Variants in SLCO1A2 observed in about 807,000 individuals in gnomAD.
SLCO1A2 encodes the protein solute carrier organic anion transporter family member 1A2, also known as OATP-1.
A neutral mutation model predicts 69.0 loss-of-function variants in SLCO1A2; 67 were observed. That is an observed-to-expected ratio of 0.97 (90% CI 0.80 to 1.19). The LOEUF is 1.19. SLCO1A2 is among the 50% of genes most tolerant of loss of function. SLCO1A2 has a pLI of 0.00. For missense variants in SLCO1A2, 787 were observed against 793.7 expected, an observed-to-expected ratio of 0.99 and a Z score of 0.10; for synonymous variants, 260 against 265.9, an observed-to-expected ratio of 0.98 and a Z score of 0.22.
intron 2 of SLCO1A2, among the ~76,000 whole-genome samples, chr12:21,370,496 C>T (rs1232920618): frequency 1.7e-5 from 2 of 116,692 alleles, no homozygotes; most frequent in Non-Finnish European, 3.3e-5. Context: ...GACCCCACAA[C>T]AGGCCCTGGT....
chr12:21,371,169 G>A (rs1215130747), intron 2 of SLCO1A2, among the ~76,000 whole-genome samples: 1 of 152,284 alleles, frequency 6.6e-6, no homozygotes, highest in East Asian at 1.9e-4. Flanking sequence ...TCATTGCCCT[G>A]GAAAGAGGCA....
intron 4 of SLCO1A2, among the ~76,000 whole-genome samples, chr12:21,307,321 T>C (rs924130209): frequency 6.6e-6 from 1 of 152,166 alleles, no homozygotes; most frequent in Non-Finnish European, 1.5e-5. Flanking sequence ...CTTTAAAAAA[T>C]GTGACATTCA....
intron 1 of SLCO1A2, among the ~76,000 whole-genome samples, chr12:21,386,477 C>A (rs1030379971): frequency 6.6e-6 from 1 of 151,964 alleles, no homozygotes; most frequent in Admixed American, 6.6e-5. Flanking sequence ...GTTATTCCCA[C>A]ACTGTTCTCA....
intron 3 of SLCO1A2, among the ~76,000 whole-genome samples, chr12:21,316,774 G>T (rs1016030585): frequency 6.6e-6 from 1 of 151,914 alleles, no homozygotes; most frequent in Non-Finnish European, 1.5e-5. Context: ...TCTAGTTTTA[G>T]CAAACGCCTA....
intron 7 of SLCO1A2, 36 bp downstream of exon 7, chr12:21,301,135 G>A (rs1948658459): frequency 1.4e-6 from 2 of 1,396,234 alleles, no homozygotes; most frequent in Non-Finnish European, 2.0e-6. Context: ...GCTTTGTATA[G>A]TCTAGACACT....
chr12:21,414,521 G>A (rs2137210210), intron 1 of SLCO1A2, among the ~76,000 whole-genome samples: 1 of 152,028 alleles, frequency 6.6e-6, no homozygotes, highest in Admixed American at 6.5e-5. Context: ...CAAAGACTGG[G>A]ATCTGAATGA....
chr12:21,356,745 T>C (rs957534141), intron 2 of SLCO1A2, among the ~76,000 whole-genome samples: 1 of 152,060 alleles, frequency 6.6e-6, no homozygotes, highest in African/African-American at 2.4e-5. Flanking sequence ...ATTTAAATAA[T>C]AGTAGCTTAA....
At chr12:21,363,972 A>G (rs1463716756) in intron 2 of SLCO1A2, among the ~76,000 whole-genome samples, 1 of 152,194 alleles carries the variant, frequency 6.6e-6, no homozygotes, top group Non-Finnish European at 1.5e-5. Flanking sequence ...AGAGGTAAAA[A>G]GAGGAGCTGG....
chr12:21,322,469 C>T lies in SLCO1A2; in HGVS notation c.61-3546G>A, dbSNP rs78045459. Among the ~76,000 whole-genome samples, 372 of 152,270 alleles carry T rather than the reference C, an allele frequency of 2.4e-3. 1 individual carries two copies. Among genetic ancestry groups the T allele is most frequent in the African/African-American group, 8.2e-3 (340 of 41,554 alleles). ...GGTTTAATCTGGAAGGGCAGGACAA[C>T]CCGAAGCAGGGGGTTCCCAGTCATA... On this transcript the variant is annotated intron_variant, in intron 2 of 14. Transcript: ENST00000683939.
chr12:21,289,525 G>T (rs948856242), intron 12 of SLCO1A2, among the ~76,000 whole-genome samples: 1 of 152,078 alleles, frequency 6.6e-6, no homozygotes, highest in Non-Finnish European at 1.5e-5. Context: ...CTCCCTAAAA[G>T]CTCTTGAACT....
In SLCO1A2 at chr12:21,383,853, C is replaced by T. The variant is rs528554032; in HGVS notation, c.-189-9328G>A. 9.2e-5 allele frequency among the ~76,000 whole-genome samples: 14 copies of T among 152,044 alleles called. 1 individual carries two copies. In the South Asian group the frequency reaches 2.5e-3, roughly 27 times the overall value. ...GGATGTATGAGTCATCTCTGTAATCCCCACAACATTTAAGCCCATTATGTG... is the reference window on the plus strand; with the variant it reads ...GGATGTATGAGTCATCTCTGTAATCTCCACAACATTTAAGCCCATTATGTG... On this transcript the variant is annotated intron_variant, in intron 1 of 15. Coordinates refer to the SLCO1A2 transcript ENST00000307378.
At chr12:21,362,143 G>A (rs911314315) in intron 2 of SLCO1A2, among the ~76,000 whole-genome samples, 1 of 152,176 alleles carries the variant, frequency 6.6e-6, no homozygotes, top group Non-Finnish European at 1.5e-5. Context: ...GGCAGCCAGA[G>A]AGAAAGGTCA....
At position 21,305,249 on chromosome 12, in the gene SLCO1A2, G is replaced by A. The variant is rs559465570; in HGVS notation, c.443-676C>T. 5.3e-5 allele frequency among the ~76,000 whole-genome samples: 8 copies of A among 152,328 alleles called. No homozygotes were observed. The South Asian group carries it at 1.2e-3, about 24-fold the overall frequency. On this transcript the variant is annotated intron_variant, in intron 5 of 14. Coordinates refer to ENST00000683939, the MANE Select transcript of SLCO1A2 (RefSeq NM_001386879.1). ...GACTAGACCAAAGGGAATAGAAACT[G>A]AGAAAGATAGGGAGATCTCTGAAGG...
intron 1 of SLCO1A2, among the ~76,000 whole-genome samples, chr12:21,404,238 T>A (rs1382181606): frequency 1.3e-5 from 2 of 152,102 alleles, no homozygotes; most frequent in African/African-American, 4.8e-5. Flanking sequence ...TTTATTTTAT[T>A]TTATTTTATT....
At chr12:21,361,908 T>C (rs1938926681) in intron 2 of SLCO1A2, among the ~76,000 whole-genome samples, 1 of 152,076 alleles carries the variant, frequency 6.6e-6, no homozygotes, top group Non-Finnish European at 1.5e-5. Flanking sequence ...AAAGACCAAA[T>C]CTACGTCTGA....
intron 1 of SLCO1A2, among the ~76,000 whole-genome samples, chr12:21,387,457 C>T (rs1940936946): frequency 6.6e-6 from 1 of 152,152 alleles, no homozygotes; most frequent in African/African-American, 2.4e-5. Context: ...ATCCCAGGCA[C>T]TCCAATCATG....
At chr12:21,272,225 G>A (rs1280596907) in intron 14 of SLCO1A2, among the ~76,000 whole-genome samples, 1 of 151,572 alleles carries the variant, frequency 6.6e-6, no homozygotes, top group Non-Finnish European at 1.5e-5. Flanking sequence ...TGTAGAAATA[G>A]ATATAGATGT....
chr12:21,322,745 T>C (rs947409329), intron 2 of SLCO1A2, among the ~76,000 whole-genome samples: 2 of 152,152 alleles, frequency 1.3e-5, no homozygotes, highest in African/African-American at 2.4e-5. Flanking sequence ...CAATGAGGCA[T>C]GTCTGGCCCA....
upstream of SLCO1A2, among the ~76,000 whole-genome samples, chr12:21,398,610 G>A (rs1193886648): frequency 6.6e-6 from 1 of 151,952 alleles, no homozygotes; most frequent in Non-Finnish European, 1.5e-5. Context: ...GATGAACATT[G>A]ATGCAAAAAT....
Sources: gnomAD v4.1 joint callset for allele counts (sites outside exome capture counted in the v4.1 genomes callset) on GRCh38, gnomAD v4.1.1 for gene constraint, MANE v1.5 for transcripts, NCBI Gene and HGNC (gene_info 2026-07-23, HGNC 2026-07-21) for gene names.